ATP2A3: variants seen among roughly 807,000 people sequenced by gnomAD.
ATP2A3 encodes sarcoplasmic/endoplasmic reticulum calcium ATPase 3.
In ATP2A3, 61 loss-of-function variants were observed where a neutral mutation model predicts 106.8. The ratio of observed to expected loss-of-function variants is 0.57; its 90% CI spans 0.46 to 0.71. ATP2A3 has a LOEUF of 0.71. Ranked by LOEUF, ATP2A3 falls within the 30% of genes least tolerant of loss-of-function variation. The pLI is 0.00. For synonymous variants in ATP2A3, 611 were observed against 609.3 expected (o/e 1.00, Z -0.04); for missense variants, 1,201 against 1,423.5 (o/e 0.84, Z 2.52).
rs1174008086 is a variant in ATP2A3, at chr17:3,940,031, C to CTTTTT, written c.2100+935_2100+939dup. 7.8e-4 allele frequency among the ~76,000 whole-genome samples: 75 copies of CTTTTT among 96,540 alleles called. 9 individuals carry two copies. The highest frequency in any genetic ancestry group is 3.4e-3 in the African/African-American group (72 of 21,122). 63.3% of individuals were successfully genotyped at this position (96,540 alleles called of 152,430 possible). On this transcript the variant is annotated intron_variant, in intron 14 of 20. Transcript: ENST00000397041. ...ATGGGTTGATGGTAATGTGTCATAT[C>CTTTTT]TTTTTTTTTTTGTTTTTTGTTTTTT... is the stretch of plus-strand genomic sequence containing the variant.
At chr17:3,954,677 A>G (rs2054663611) in intron 1 of ATP2A3, among the ~76,000 whole-genome samples, 1 of 151,884 alleles carries the variant, frequency 6.6e-6, no homozygotes, top group Non-Finnish European at 1.5e-5. Flanking sequence ...TTGTATTTTT[A>G]GTAGAAATGG....
chr17:3,953,814 C>T lies in ATP2A3; in HGVS notation c.119-104G>A, dbSNP rs2054598176. On this transcript the variant is annotated intron_variant, in intron 1 of 20. Transcript: ENST00000397041. This position sits in a 1 kb window ranked among gnomAD's most constrained non-coding sequence, Gnocchi z 5.1. ...GCAGTGCCTCCCCACCGTGCCCGCC[C>T]AGACCCCCACCACGGACTGGATGTA... 1.3e-5 allele frequency: 16 copies of T among 1,251,702 alleles called. No homozygotes were observed. In the South Asian group the frequency reaches 1.4e-4, roughly 11 times the overall value. The allele number at this position is 1,251,702 out of a possible 1,614,324, so 77.5% of individuals were successfully genotyped here. A position where few individuals can be genotyped will look rare whatever the true frequency, so the allele number is the denominator to read the frequency against.
Position 3,925,242 on chromosome 17 carries a change from G to T in ATP2A3, c.*180C>A. 1 of 931,556 alleles carries T rather than the reference G, an allele frequency of 1.1e-6. No homozygotes were observed. 57.7% of individuals were successfully genotyped at this position (931,556 alleles called of 1,614,324 possible). A position where few individuals can be genotyped will look rare whatever the true frequency, so the allele number is the denominator to read the frequency against. Reference sequence around the variant, plus strand: ...AGACCTCCCAGGCCAGAAGGAAGTGGGGACAGAGACCCCAGGACGGGGCCC... The same window carrying T: ...AGACCTCCCAGGCCAGAAGGAAGTGTGGACAGAGACCCCAGGACGGGGCCC... On this transcript the variant is annotated 3_prime_UTR_variant, in exon 21 of 21. Transcript: ENST00000397041. The surrounding 1 kb of genome is among the most constrained non-coding windows in gnomAD (Gnocchi z 4.2).
Position 3,947,007 on chromosome 17 carries a change from T to C in ATP2A3, c.1095+384A>G, listed in dbSNP as rs1052149457. On this transcript the variant is annotated intron_variant, in intron 8 of 20. Coordinates refer to ENST00000397041, the MANE Select transcript of ATP2A3 (RefSeq NM_005173.4). This position sits in a 1 kb window ranked among gnomAD's most constrained non-coding sequence, Gnocchi z 7.7. Reference sequence around the variant, plus strand: ...GACAGGTGTCGACTGCACAGAGTCATGATGGGGCAGGATGGAACCCGGATC... The same window carrying C: ...GACAGGTGTCGACTGCACAGAGTCACGATGGGGCAGGATGGAACCCGGATC... Among the ~76,000 whole-genome samples the C allele has an allele frequency of 1.3e-5, 2 of 152,214 alleles. No homozygotes were observed. The highest frequency in any genetic ancestry group is 4.8e-5 in the African/African-American group (2 of 41,448).
In ATP2A3 at chr17:3,947,626, G is replaced by A; in HGVS notation, c.860C>T (p.Ser287Phe). 1.2e-6 allele frequency: 2 copies of A among 1,612,458 alleles called. No individual in the cohort carries two copies. The highest frequency in any genetic ancestry group is 2.2e-5 in the East Asian group (1 of 44,880). The change falls in exon 8 of 21, where the codon TCC becomes TTC. Residue 287 changes from serine (S) to phenylalanine (F), a missense_variant. Ser to Phe is a radical substitution (Grantham distance 155). Around this residue, in one of 2 missense-constraint regions of ATP2A3, gnomAD observed 935 missense variants for 1,176.7 expected, o/e 0.79. Coordinates refer to ENST00000397041, the MANE Select transcript of ATP2A3 (RefSeq NM_005173.4). The surrounding 1 kb of genome is among the most constrained non-coding windows in gnomAD (Gnocchi z 7.7). ...GTAGTAGACAGCGCCACGCAGCCAG[G>A]AGCCACCGTGGGCCGGGTCGGCGAA... Reference protein sequence around the residue: ...GHFADPAHGGSWLRGAVYYFK... With the variant: ...GHFADPAHGGFWLRGAVYYFK...
In ATP2A3 at chr17:3,953,339, C is replaced by T. The variant is rs369770792; in HGVS notation, c.219+8G>A. The T allele has an allele frequency of 1.2e-6, 2 of 1,613,610 alleles. No individual in the cohort carries two copies. Among genetic ancestry groups the T allele is most frequent in the Non-Finnish European group, 1.7e-6 (2 of 1,179,856 alleles). On this transcript the variant is annotated splice_region_variant and intron_variant, in intron 3 of 20. Transcript: ENST00000397041. The surrounding 1 kb of genome is among the most constrained non-coding windows in gnomAD (Gnocchi z 5.1). ...CTACCACAGGATGGCTGGCAGGGCCCTACTTACAAAGGAGACAAGGGCAGC... is the reference window on the plus strand; with the variant it reads ...CTACCACAGGATGGCTGGCAGGGCCTTACTTACAAAGGAGACAAGGGCAGC...
chr17:3,951,434 C>CA (rs1555564091), intron 4 of ATP2A3, 45 bp from the exon 5 acceptor site: 3 of 1,612,628 alleles, frequency 1.9e-6, no homozygotes, highest in Non-Finnish European at 2.5e-6. Context: ...TGCTGCCCCC[C>CA]GCAGACCACC....
intron 17 of ATP2A3, among the ~76,000 whole-genome samples, chr17:3,932,372 G>A (rs2053157463): frequency 6.6e-6 from 1 of 152,090 alleles, no homozygotes; most frequent in Admixed American, 6.6e-5. Context: ...TCGATCTCCT[G>A]ACCTCAAGTG....
intron 1 of ATP2A3, among the ~76,000 whole-genome samples, chr17:3,956,565 A>G (rs900118029): frequency 6.6e-6 from 1 of 152,154 alleles, no homozygotes; most frequent in Non-Finnish European, 1.5e-5. Context: ...ATGCATTTAA[A>G]TGTAAATAGC....
intron 5 of ATP2A3, 121 bp downstream of exon 5, chr17:3,951,130 G>A (rs1387483638): frequency 1.1e-5 from 11 of 1,014,246 alleles, no homozygotes; most frequent in East Asian, 3.6e-5. Context: ...CCGAGATTGC[G>A]CCACTGCACT....
chr17:3,936,620 G>A lies in ATP2A3; in HGVS notation c.2322-151C>T, dbSNP rs537770238. The A allele has an allele frequency of 1.3e-5, 11 of 821,760 alleles. No individual in the cohort carries two copies. Among genetic ancestry groups the A allele is most frequent in the Non-Finnish European group, 2.0e-5 (10 of 493,186 alleles). 50.9% of individuals were successfully genotyped at this position (821,760 alleles called of 1,614,324 possible). A position where few individuals can be genotyped will look rare whatever the true frequency, so the allele number is the denominator to read the frequency against. ...CTCCGCCAGCTGTGATGTGAAGGGT[G>A]TGTGTACACAGCTCTGCCTCGGGCC... On this transcript the variant is annotated intron_variant, in intron 15 of 20. Coordinates refer to ENST00000397041, the MANE Select transcript of ATP2A3 (RefSeq NM_005173.4). This position sits in a 1 kb window ranked among gnomAD's most constrained non-coding sequence, Gnocchi z 5.4.
In ATP2A3 at chr17:3,929,102, C is replaced by G. The variant is rs1314285543; in HGVS notation, c.2862+226G>C. Among the ~76,000 whole-genome samples, 1 of 152,162 alleles carries G rather than the reference C, an allele frequency of 6.6e-6. No individual in the cohort carries two copies. Among genetic ancestry groups the G allele is most frequent in the Admixed American group, 6.5e-5 (1 of 15,284 alleles). ...GGGAAAGCTCGTCCTTCCTCCCACC[C>G]CAGCCTGGGCACAGTCCCCTCAGCA... On this transcript the variant is annotated intron_variant, in intron 19 of 20. Transcript: ENST00000397041. The surrounding 1 kb of genome is among the most constrained non-coding windows in gnomAD (Gnocchi z 4.3).
chr17:3,933,927 C>CT (rs1213935068), intron 17 of ATP2A3, among the ~76,000 whole-genome samples: 1 of 143,508 alleles, frequency 7.0e-6, no homozygotes, highest in Non-Finnish European at 1.5e-5. Context: ...CTTTTCTTTT[C>CT]TTTTTTTCTT....
Position 3,941,525 on chromosome 17 carries a change from G to C in ATP2A3, c.1675C>G (p.Leu559Val). 6.2e-7 allele frequency: 1 copy of C among 1,613,854 alleles called. No homozygotes were observed. The highest frequency in any genetic ancestry group is 8.5e-7 in the Non-Finnish European group (1 of 1,179,966). The part of the protein sequence containing the change: ...IRDWGSGSDT[L>V]RCLALATRDA... ...CGGGTGGCCAGTGCCAGGCAGCGCAGCGTGTCTGAGCCTGAGCCCCAATCC... is the reference window on the plus strand; with the variant it reads ...CGGGTGGCCAGTGCCAGGCAGCGCACCGTGTCTGAGCCTGAGCCCCAATCC... Residue 559 changes from leucine (L) to valine (V), a missense_variant, in exon 13 of 21, where the codon CTG (leucine) becomes GTG (valine). By Grantham distance (32) the Leu-to-Val change is conservative (BLOSUM62 1). Transcript: ENST00000397041.
chr17:3,952,697 C>T (rs2054519799), intron 3 of ATP2A3, among the ~76,000 whole-genome samples: 1 of 152,242 alleles, frequency 6.6e-6, no homozygotes, highest in Non-Finnish European at 1.5e-5. Context: ...CCAAGCAATT[C>T]TCCTGCCTCA....
At position 3,953,725 on chromosome 17, in the gene ATP2A3, C is replaced by T; in HGVS notation, c.119-15G>A. 1 of 1,569,638 alleles carries T rather than the reference C, an allele frequency of 6.4e-7. No homozygotes were observed. Among genetic ancestry groups the T allele is most frequent in the Non-Finnish European group, 8.6e-7 (1 of 1,157,140 alleles). On this transcript the variant is annotated splice_polypyrimidine_tract_variant and intron_variant, in intron 1 of 20. Transcript: ENST00000397041. The surrounding 1 kb of genome is among the most constrained non-coding windows in gnomAD (Gnocchi z 5.1). Reference sequence around the variant, plus strand: ...ACTCGGGAGCTCTGCAGGATCCAGGCAGCCACGGGAGCCATGAGGAGACAA... The same window carrying T: ...ACTCGGGAGCTCTGCAGGATCCAGGTAGCCACGGGAGCCATGAGGAGACAA...
chr17:3,957,330 C>A (rs768492187), intron 1 of ATP2A3, among the ~76,000 whole-genome samples: 2 of 152,160 alleles, frequency 1.3e-5, no homozygotes, highest in African/African-American at 2.4e-5. Context: ...GGTTCTCGAC[C>A]CCCTGCTGTG....
At chr17:3,959,798 C>T (rs534239211) in intron 1 of ATP2A3, among the ~76,000 whole-genome samples, 8 of 152,248 alleles carry the variant, frequency 5.3e-5, no homozygotes, top group Admixed American at 5.2e-4. Flanking sequence ...GGAGCCACTG[C>T]GGGGCCTTGG....
In ATP2A3 at chr17:3,936,959, C is replaced by T. The variant is rs1285424738; in HGVS notation, c.2321+457G>A. ...TACGAGTGTGTGCACAGTCACACGC[C>T]GGCACAAATCCTTCTGCTTGTACTC... On this transcript the variant is annotated intron_variant, in intron 15 of 20. Coordinates refer to ENST00000397041, the MANE Select transcript of ATP2A3 (RefSeq NM_005173.4). The surrounding 1 kb of genome is among the most constrained non-coding windows in gnomAD (Gnocchi z 5.4). The T allele has an allele frequency of 6.8e-5, 22 of 322,836 alleles. No homozygotes were observed. The highest frequency in any genetic ancestry group is 3.8e-4 in the South Asian group (14 of 36,368). The allele number at this position is 322,836 out of a possible 1,614,324, so 20.0% of individuals were successfully genotyped here. A position where few individuals can be genotyped will look rare whatever the true frequency, so the allele number is the denominator to read the frequency against.
Sources: gnomAD v4.1 joint callset for allele counts (sites outside exome capture counted in the v4.1 genomes callset) on GRCh38, gnomAD v4.1.1 for gene constraint, gnomAD v4.1.1 regional missense constraint, Gnocchi (gnomAD v3.1) non-coding constraint, MANE v1.5 for transcripts, NCBI Gene and HGNC (gene_info 2026-07-23, HGNC 2026-07-21) for gene names.